The following PKD1L1 variants were observed in gnomAD, a reference collection of about 807,000 sequenced individuals.
The protein encoded by PKD1L1 is polycystin-1-like protein 1.
In PKD1L1, 236 loss-of-function variants were observed where a neutral mutation model predicts 323.4. The ratio of observed to expected loss-of-function variants is 0.73; its 90% CI spans 0.66 to 0.81. PKD1L1 has a LOEUF of 0.81. PKD1L1 is among the 40% of genes least tolerant of loss of function. The probability of loss-of-function intolerance (pLI) is 0.00; values close to 1 mark genes in which losing one functional copy is unlikely to be tolerated. For synonymous variants in PKD1L1, 1,344 were observed against 1,335.0 expected (o/e 1.01, Z -0.15); for missense variants, 3,320 against 3,508.0 (o/e 0.95, Z 1.35).
intron 12 of PKD1L1, among the ~76,000 whole-genome samples, chr7:47,904,066 G>A (rs1326807223): frequency 6.6e-6 from 1 of 152,042 alleles, no homozygotes; most frequent in East Asian, 1.9e-4. Flanking sequence ...CACTGTTTGG[G>A]AGCCTCTCTC....
intron 30 of PKD1L1, among the ~76,000 whole-genome samples, chr7:47,853,831 G>A (rs972321854): frequency 6.6e-6 from 1 of 150,398 alleles, no homozygotes; most frequent in East Asian, 2.0e-4. Context: ...GTACAAGAAT[G>A]GCCAGCACAG....
chr7:47,850,381 C>T (rs1228990875), intron 31 of PKD1L1, among the ~76,000 whole-genome samples: 1 of 152,084 alleles, frequency 6.6e-6, no homozygotes, highest in Non-Finnish European at 1.5e-5. Context: ...CCTGTAATCC[C>T]AGCACTTTGG....
At chr7:47,850,964 TA>T (rs1785769893) in intron 31 of PKD1L1, among the ~76,000 whole-genome samples, 1 of 152,188 alleles carries the variant, frequency 6.6e-6, no homozygotes, top group Non-Finnish European at 1.5e-5. Flanking sequence ...CAAGTTCTCA[TA>T]TTTTGGCAAC....
At chr7:47,925,500 T>C (rs907858429) in intron 7 of PKD1L1, among the ~76,000 whole-genome samples, 4 of 152,216 alleles carry the variant, frequency 2.6e-5, no homozygotes, top group African/African-American at 7.2e-5. Context: ...TAAACATTTG[T>C]AAATGAAAAA....
At chr7:47,948,600 TAAC>T (rs1290252489), upstream of PKD1L1, 1 of 630,928 alleles carries the variant, frequency 1.6e-6, no homozygotes, top group African/African-American at 1.8e-5. Flanking sequence ...CAAACTCCAG[TAAC>T]ATTTTCCCAA....
At position 47,893,223 on chromosome 7, in the gene PKD1L1, C is replaced by T. The variant is rs531421777; in HGVS notation, c.2453+655G>A. ...CCAGTCTGGGTGACAGAGTGAGACC[C>T]TATCTCAAAAAAAAAAAAAAAAAAA... On this transcript the variant is annotated intron_variant, in intron 15 of 56. Transcript: ENST00000289672. Among the ~76,000 whole-genome samples, 3 of 127,624 alleles carry T rather than the reference C, an allele frequency of 2.4e-5. No individual in the cohort carries two copies. In the South Asian group the frequency reaches 7.9e-4, roughly 34 times the overall value. 83.7% of individuals were successfully genotyped at this position (127,624 alleles called of 152,430 possible).
intron 8 of PKD1L1, among the ~76,000 whole-genome samples, chr7:47,912,614 G>A (rs192760933): frequency 2.0e-5 from 3 of 151,914 alleles, no homozygotes; most frequent in Non-Finnish European, 4.4e-5. Flanking sequence ...TCAGGAGTTT[G>A]AGCCTGGCCT....
chr7:47,834,943 C>T, intron 39 of PKD1L1, 24 bp downstream of exon 39: 1 of 1,606,414 alleles, frequency 6.2e-7, no homozygotes, highest in African/African-American at 1.3e-5. Flanking sequence ...CGGAGAGTTT[C>T]TGAGAGTTTT....
At chr7:47,901,723 C>G (rs1041774346) in intron 13 of PKD1L1, among the ~76,000 whole-genome samples, 1 of 152,226 alleles carries the variant, frequency 6.6e-6, no homozygotes, top group Non-Finnish European at 1.5e-5. Context: ...TCCACCAGCA[C>G]CCTCTGCGGG....
chr7:47,856,140 C>T (rs975470238), intron 28 of PKD1L1, among the ~76,000 whole-genome samples: 39 of 152,062 alleles, frequency 2.6e-4, no homozygotes, highest in African/African-American at 7.0e-4. Context: ...CAGGTTCAAG[C>T]GATTCTCCTG....
At chr7:47,819,498 T>C in intron 46 of PKD1L1, 10 of 1,310,616 alleles carry the variant, frequency 7.6e-6, no homozygotes, top group Non-Finnish European at 1.0e-5. Flanking sequence ...CACTTTGTTT[T>C]GCACACAGCA....
intron 46 of PKD1L1, chr7:47,819,480 C>T (rs1785093569): frequency 8.1e-7 from 1 of 1,238,960 alleles, no homozygotes; most frequent in Middle Eastern, 2.3e-4. Context: ...ATTGAGGACC[C>T]AAATTATCAC....
the PKD1L1 span, among the ~76,000 whole-genome samples, chr7:47,958,874 C>A: frequency 8.5e-5 from 13 of 152,296 alleles, no homozygotes; most frequent in East Asian, 2.5e-3. Context: ...GATGCCGAGC[C>A]GAAGCTGGAC....
intron 55 of PKD1L1, 48 bp downstream of exon 55, chr7:47,795,941 C>T (rs1025355369): frequency 6.4e-7 from 1 of 1,572,116 alleles, no homozygotes; most frequent in Non-Finnish European, 8.6e-7. Context: ...AAACCATCAT[C>T]TTGAGTGTGT....
At position 47,929,232 on chromosome 7, in the gene PKD1L1, C is replaced by T. The variant is rs750724919; in HGVS notation, c.1032G>A (p.Ala344=). Residue 344 remains alanine, a synonymous_variant, in exon 7 of 57, where the codon GCG becomes GCA. Transcript: ENST00000289672. Reference sequence around the variant, plus strand: ...TTGAGTACTGGTGGTAGGCAGTCACCGCCATTGCCTCAGACATGTTGTGTA... The same window carrying T: ...TTGAGTACTGGTGGTAGGCAGTCACTGCCATTGCCTCAGACATGTTGTGTA... ...MRLHNMSEAM[A]VTAYHQYSKG... is the part of the protein sequence containing the mutation. 2.2e-5 allele frequency: 35 copies of T among 1,613,994 alleles called. No homozygotes were observed. The highest frequency in any genetic ancestry group is 4.5e-5 in the East Asian group (2 of 44,888).
At chr7:47,882,533 G>A (rs540198915) in intron 19 of PKD1L1, among the ~76,000 whole-genome samples, 1 of 152,002 alleles carries the variant, frequency 6.6e-6, no homozygotes, top group East Asian at 2.0e-4. Context: ...AGAGAGTGGT[G>A]TGGAAAGGAA....
At chr7:47,957,862 A>AAAAAATATATATATAT in the PKD1L1 span, among the ~76,000 whole-genome samples, 6 of 134,666 alleles carry the variant, frequency 4.5e-5, no homozygotes, top group Non-Finnish European at 9.5e-5. Flanking sequence ...ATTAAAAAAA[A>AAAAAATATATATATAT]ATATATATAT....
intron 56 of PKD1L1, among the ~76,000 whole-genome samples, chr7:47,784,998 T>C (rs1283515383): frequency 6.6e-6 from 1 of 152,124 alleles, no homozygotes; most frequent in Non-Finnish European, 1.5e-5. Flanking sequence ...CTGGTCTCTG[T>C]GGAAGCCACA....
At chr7:47,845,143 G>C in intron 32 of PKD1L1, 65 bp from the exon 33 acceptor site, 2 of 1,314,184 alleles carry the variant, frequency 1.5e-6, no homozygotes, top group Non-Finnish European at 2.1e-6. Flanking sequence ...CAGTGTAATG[G>C]CATGTTGGTT....
Sources: allele counts gnomAD v4.1 joint callset (sites outside exome capture counted in the v4.1 genomes callset), GRCh38; gene constraint gnomAD v4.1.1; transcripts MANE v1.5; gene names NCBI Gene and HGNC (gene_info 2026-07-23, HGNC 2026-07-21).